Variants in COL11A1 observed in about 807,000 individuals in gnomAD.
COL11A1 encodes the protein collagen type XI alpha 1 chain.
In COL11A1, 74 loss-of-function variants were observed where a neutral mutation model predicts 265.2. The ratio of observed to expected loss-of-function variants is 0.28; its 90% CI spans 0.23 to 0.34. The LOEUF is 0.34. COL11A1 is among the 10% of genes least tolerant of loss of function. COL11A1 has a pLI of 1.00. For missense variants in COL11A1, 2,165 were observed against 2,263.6 expected (o/e 0.96, Z 0.88); for synonymous variants, 816 against 727.6 (o/e 1.12, Z -1.96).
chr1:102,927,738 G>T (rs1570753332), intron 46 of COL11A1, among the ~76,000 whole-genome samples: 1 of 152,060 alleles, frequency 6.6e-6, no homozygotes, highest in Non-Finnish European at 1.5e-5. Flanking sequence ...TTTGAACAGA[G>T]GCTGTAGTGT....
chr1:102,903,240 T>TACTATGAATGATAA (rs1553197794), intron 54 of COL11A1, among the ~76,000 whole-genome samples: 1 of 152,176 alleles, frequency 6.6e-6, no homozygotes, highest in Non-Finnish European at 1.5e-5. Flanking sequence ...AAAGTACATG[T>TACTATGAATGATAA]ACTATGAATG....
At chr1:103,024,662 A>AC (rs2101956627) in intron 7 of COL11A1, among the ~76,000 whole-genome samples, 1 of 151,934 alleles carries the variant, frequency 6.6e-6, no homozygotes, top group African/African-American at 2.4e-5. Context: ...CAAAATACTC[A>AC]TTTTTTTTGA....
intron 1 of COL11A1, among the ~76,000 whole-genome samples, chr1:103,087,165 A>G (rs1305007895): frequency 6.6e-6 from 1 of 152,238 alleles, no homozygotes; most frequent in Non-Finnish European, 1.5e-5. Flanking sequence ...TATTTTAATT[A>G]TCTCTATGTT....
At chr1:103,045,665 C>T (rs932159826) in intron 4 of COL11A1, among the ~76,000 whole-genome samples, 3 of 151,912 alleles carry the variant, frequency 2.0e-5, no homozygotes, top group Admixed American at 6.6e-5. Flanking sequence ...ATGTGCACAA[C>T]GTGCAGGTTT....
intron 54 of COL11A1, among the ~76,000 whole-genome samples, chr1:102,902,869 TAC>T (rs990232409): frequency 2.2e-4 from 33 of 150,678 alleles, no homozygotes; most frequent in Middle Eastern, 3.4e-3. Flanking sequence ...ATATACAAGG[TAC>T]ACACACATAT....
At chr1:103,000,041 G>T (rs569914193) in intron 24 of COL11A1, among the ~76,000 whole-genome samples, 39 of 151,828 alleles carry the variant, frequency 2.6e-4, no homozygotes, top group Non-Finnish European at 4.1e-4. Flanking sequence ...CTTACCACCG[G>T]AAATGCAGTA....
chr1:102,889,841 T>C (rs1031640709), intron 58 of COL11A1, among the ~76,000 whole-genome samples: 2 of 152,114 alleles, frequency 1.3e-5, no homozygotes, highest in Admixed American at 6.6e-5. Flanking sequence ...AGTGTTCCAT[T>C]TGAGGAATCT....
intron 13 of COL11A1, 84 bp from the exon 14 acceptor site, chr1:103,012,553 T>A (rs895790847): frequency 7.1e-6 from 7 of 991,734 alleles, no homozygotes; most frequent in Middle Eastern, 2.2e-4. Flanking sequence ...CAAGCTGCCC[T>A]TAAGTAATAC....
intron 38 of COL11A1, among the ~76,000 whole-genome samples, 198 bp from the exon 39 acceptor site, chr1:102,962,958 G>C (rs2101578516): frequency 6.6e-6 from 1 of 152,282 alleles, no homozygotes; most frequent in Middle Eastern, 3.4e-3. Context: ...TATAATCTTG[G>C]TTAGAATCTG....
At chr1:102,960,042 G>C (rs1470923149) in intron 41 of COL11A1, among the ~76,000 whole-genome samples, 1 of 152,026 alleles carries the variant, frequency 6.6e-6, no homozygotes, top group Non-Finnish European at 1.5e-5. Context: ...GTCTTATTAA[G>C]TTGTTGTTGC....
intron 46 of COL11A1, among the ~76,000 whole-genome samples, chr1:102,930,487 A>G (rs947251749): frequency 1.3e-5 from 2 of 152,040 alleles, no homozygotes; most frequent in Admixed American, 6.5e-5. Context: ...TGCTGGATTC[A>G]TTTTGCCAGT....
chr1:102,915,600 T>C, intron 50 of COL11A1, 31 bp downstream of exon 50: 1 of 1,587,964 alleles, frequency 6.3e-7, no homozygotes, highest in Non-Finnish European at 8.6e-7. Flanking sequence ...AAACCAATAA[T>C]ACACTATGTT....
In COL11A1 at chr1:103,074,709, G is replaced by A. The variant is rs184606223; in HGVS notation, c.560C>T (p.Thr187Met). The change falls in exon 4 of 67, where the codon ACG (threonine) becomes ATG (methionine). Residue 187 changes from threonine to methionine, a missense_variant. Transcript: ENST00000370096. The part of the protein sequence containing the change: ...TMIVDCKKKT[T>M]KPLDRSERAI... ...TCTCTCACTTCTATCAAGTGGTTTCGTGGTTTTCTTCTTACAATCAACAAT... is the reference window on the plus strand; with the variant it reads ...TCTCTCACTTCTATCAAGTGGTTTCATGGTTTTCTTCTTACAATCAACAAT... The A allele has an allele frequency of 8.4e-5, 135 of 1,613,290 alleles. 1 individual carries two copies. In the East Asian group the frequency reaches 2.2e-3, roughly 26 times the overall value.
intron 41 of COL11A1, among the ~76,000 whole-genome samples, chr1:102,953,210 TA>T (rs1216028683): frequency 1.3e-5 from 2 of 152,224 alleles, no homozygotes; most frequent in Non-Finnish European, 2.9e-5. Context: ...ATAGGTAAAA[TA>T]GATAATGATC....
At chr1:102,960,906 A>G (rs1401069931) in intron 41 of COL11A1, among the ~76,000 whole-genome samples, 2 of 152,172 alleles carry the variant, frequency 1.3e-5, no homozygotes, top group Non-Finnish European at 2.9e-5. Flanking sequence ...TATAGGTGAA[A>G]CTGACTGAAG....
intron 24 of COL11A1, among the ~76,000 whole-genome samples, chr1:102,999,496 T>A (rs1664922275): frequency 6.6e-6 from 1 of 151,788 alleles, no homozygotes; most frequent in Non-Finnish European, 1.5e-5. Flanking sequence ...AATATATGAG[T>A]GAACTCGGAA....
chr1:102,939,573 G>A (rs1172530275), intron 43 of COL11A1, among the ~76,000 whole-genome samples: 2 of 151,824 alleles, frequency 1.3e-5, no homozygotes, highest in Non-Finnish European at 2.9e-5. Flanking sequence ...ACATGGTGAG[G>A]CATGCTTGTA....
intron 4 of COL11A1, among the ~76,000 whole-genome samples, chr1:103,059,308 T>C (rs1670478528): frequency 6.6e-6 from 1 of 152,090 alleles, no homozygotes; most frequent in Admixed American, 6.6e-5. Context: ...TGTGAAGCAC[T>C]GATAAAATTC....
intron 4 of COL11A1, among the ~76,000 whole-genome samples, chr1:103,066,580 C>A (rs1671169170): frequency 7.0e-6 from 1 of 143,266 alleles, no homozygotes. Flanking sequence ...AGACTGGAGG[C>A]AGGAAAGGAA....
Sources: allele counts gnomAD v4.1 joint callset (sites outside exome capture counted in the v4.1 genomes callset), GRCh38; gene constraint gnomAD v4.1.1; transcripts MANE v1.5; gene names NCBI Gene and HGNC (gene_info 2026-07-23, HGNC 2026-07-21).